Variants in OLFM1 observed in about 807,000 individuals in gnomAD.
OLFM1 encodes noelin.
A neutral mutation model predicts 49.7 loss-of-function variants in OLFM1; 9 were observed. The ratio of observed to expected loss-of-function variants is 0.18; its 90% CI spans 0.11 to 0.32. The LOEUF (loss-of-function observed/expected upper bound fraction) is 0.32, where lower values mean the gene tolerates loss of function less well. Ranked by LOEUF, OLFM1 falls within the 10% of genes least tolerant of loss-of-function variation. The pLI, the probability that OLFM1 is intolerant of heterozygous loss-of-function variation, is 1.00. For missense variants in OLFM1, 369 were observed against 661.8 expected (o/e 0.56, Z 4.85); for synonymous variants, 240 against 271.8 (o/e 0.88, Z 1.15).
chr9:135,112,334 C>T (rs943731), intron 5 of OLFM1, among the ~76,000 whole-genome samples: 32,268 of 152,214 alleles, frequency 0.21, 3,540 homozygotes, highest in Middle Eastern at 0.29. Context: ...TCCCTCCAGG[C>T]TGCACTGGCC....
At chr9:135,115,763 C>T (rs1831088363) in intron 5 of OLFM1, among the ~76,000 whole-genome samples, 1 of 152,244 alleles carries the variant, frequency 6.6e-6, no homozygotes, top group South Asian at 2.1e-4. Context: ...ACTCTGACCA[C>T]TGGAAAGTCA....
At chr9:135,111,835 G>A (rs572422115) in intron 5 of OLFM1, among the ~76,000 whole-genome samples, 36 of 152,268 alleles carry the variant, frequency 2.4e-4, no homozygotes, top group Admixed American at 1.9e-3. Context: ...TCAGCCTCCC[G>A]AGTAGCTGGG....
In OLFM1 at chr9:135,110,733, C is replaced by T. The variant is rs561458051; in HGVS notation, c.783+3878C>T. Among the ~76,000 whole-genome samples, 19 of 152,272 alleles carry T rather than the reference C, an allele frequency of 1.2e-4. No individual in the cohort carries two copies. The South Asian group carries it at 1.5e-3, about 12-fold the overall frequency. On this transcript the variant is annotated intron_variant, in intron 5 of 5. Transcript: ENST00000371793. Reference sequence around the variant, plus strand: ...GCCTTCACTCCCCAAGTGGAGCCTCCGGCAGAAACTGCCAGCATCCCCCCC... The same window carrying T: ...GCCTTCACTCCCCAAGTGGAGCCTCTGGCAGAAACTGCCAGCATCCCCCCC...
intron 4 of OLFM1, among the ~76,000 whole-genome samples, chr9:135,101,841 G>A (rs1446541267): frequency 4.6e-5 from 7 of 152,220 alleles, no homozygotes; most frequent in Admixed American, 1.3e-4. Flanking sequence ...TCAGCTTCAG[G>A]CCTCCGTGGT....
chr9:135,116,244 G>A (rs1056575599), intron 5 of OLFM1, among the ~76,000 whole-genome samples: 1 of 152,084 alleles, frequency 6.6e-6, no homozygotes, highest in Non-Finnish European at 1.5e-5. Flanking sequence ...CTTTGCATGG[G>A]TGCCTTCCCA....
Position 135,120,191 on chromosome 9 carries a change from G to A in OLFM1, c.*13G>A. On this transcript the variant is annotated 3_prime_UTR_variant, in exon 6 of 6. Transcript: ENST00000371793. ...CGACGAGTTGTAGCTCCCTCCTCCT[G>A]GAAGCCAAGGGCCCACGTCCTCACC... 1 of 1,594,800 alleles carries A rather than the reference G, an allele frequency of 6.3e-7. No individual in the cohort carries two copies. The highest frequency in any genetic ancestry group is 8.5e-7 in the Non-Finnish European group (1 of 1,170,252).
chr9:135,096,049 C>T (rs1564272975), intron 3 of OLFM1, 30 bp downstream of exon 3: 1 of 1,595,418 alleles, frequency 6.3e-7, no homozygotes, highest in Non-Finnish European at 8.5e-7. Flanking sequence ...TCTCCCTCCC[C>T]TTATCCTCCT....
intron 4 of OLFM1, among the ~76,000 whole-genome samples, chr9:135,105,432 C>T (rs1266561470): frequency 2.6e-5 from 4 of 152,214 alleles, no homozygotes; most frequent in East Asian, 1.9e-4. Flanking sequence ...GCCTCCATGC[C>T]GGCAGGGCCG....
intron 4 of OLFM1, 38 bp from the exon 5 acceptor site, chr9:135,106,711 C>A: frequency 6.3e-7 from 1 of 1,583,020 alleles, no homozygotes; most frequent in Non-Finnish European, 8.6e-7. Context: ...GGCCGGGGCC[C>A]CCGCCCTCCC....
chr9:135,092,901 T>TC (rs1412185087), intron 2 of OLFM1, among the ~76,000 whole-genome samples: 4 of 152,106 alleles, frequency 2.6e-5, no homozygotes, highest in African/African-American at 7.2e-5. Context: ...GTCCTCAGCT[T>TC]CCCCCGCACA....
Position 135,090,197 on chromosome 9 carries a change from G to A in OLFM1, c.153G>A (p.Val51=). Residue 51 remains valine (V), a splice_region_variant and synonymous_variant, in exon 2 of 6, where the codon GTG becomes GTA. Coordinates refer to ENST00000371793, the MANE Select transcript of OLFM1 (RefSeq NM_001282611.2). ...CTTCCCGCCCCGCCCCTCTCCAGGT[G>A]CTGCCCACCAACCCTGAGGAGAGCT... is the stretch of plus-strand genomic sequence containing the variant. The part of the protein sequence containing the change: ...GGGTLDRSTG[V]LPTNPEESWQ... 1 of 1,605,718 alleles carries A rather than the reference G, an allele frequency of 6.2e-7. No homozygotes were observed. The highest frequency in any genetic ancestry group is 8.5e-7 in the Non-Finnish European group (1 of 1,173,532).
At chr9:135,097,662 C>A in intron 3 of OLFM1, 2 of 839,484 alleles carry the variant, frequency 2.4e-6, no homozygotes, top group Non-Finnish European at 4.1e-6. Context: ...TTGACTAACT[C>A]GAGCATTACA....
chr9:135,088,220 G>A lies in OLFM1; in HGVS notation c.150+81G>A. 1 of 1,187,894 alleles carries A rather than the reference G, an allele frequency of 8.4e-7. No individual in the cohort carries two copies. Among genetic ancestry groups the A allele is most frequent in the Non-Finnish European group, 1.1e-6 (1 of 950,556 alleles). 73.6% of individuals were successfully genotyped at this position (1,187,894 alleles called of 1,614,324 possible). On this transcript the variant is annotated intron_variant, in intron 1 of 5. Transcript: ENST00000371793. The surrounding 1 kb of genome is among the most constrained non-coding windows in gnomAD (Gnocchi z 4.8). Reference sequence around the variant, plus strand: ...CTCCTCGGTCCGGAGCCCCGGGCTGGGCGGGCGCCGCGCGGGACCCGAGTC... The same window carrying A: ...CTCCTCGGTCCGGAGCCCCGGGCTGAGCGGGCGCCGCGCGGGACCCGAGTC...
intron 2 of OLFM1, among the ~76,000 whole-genome samples, chr9:135,091,779 A>G (rs1015209157): frequency 2.0e-4 from 30 of 148,840 alleles, no homozygotes; most frequent in Admixed American, 5.3e-4. Flanking sequence ...TCACACACAC[A>G]CTCACACATA....
At chr9:135,079,671 G>A (rs1159786818) in intron 1 of OLFM1, among the ~76,000 whole-genome samples, 2 of 152,170 alleles carry the variant, frequency 1.3e-5, no homozygotes, top group East Asian at 3.9e-4. Context: ...GAAGGGCCTG[G>A]AAACCCTGAC....
intron 2 of OLFM1, among the ~76,000 whole-genome samples, chr9:135,091,751 TCA>T (rs1320200516): frequency 8.4e-5 from 6 of 71,280 alleles, no homozygotes; most frequent in South Asian, 4.2e-4. Flanking sequence ...CCACACATAG[TCA>T]CACACACTCA....
At position 135,088,751 on chromosome 9, in the gene OLFM1, G is replaced by GCTCCT. The variant is rs1159550266; in HGVS notation, c.150+613_150+614insTCCTC. On this transcript the variant is annotated intron_variant, in intron 1 of 5. Transcript: ENST00000371793. This position sits in a 1 kb window ranked among gnomAD's most constrained non-coding sequence, Gnocchi z 4.8. The stretch of plus-strand genomic sequence containing the variant: ...TTGTTCCTTCTCCTCCGAGGACGGT[G>GCTCCT]CCGAGGGGCTTGGGTGGGGCCCCTG... Among the ~76,000 whole-genome samples, 1 of 152,212 alleles carries GCTCCT rather than the reference G, an allele frequency of 6.6e-6. No individual in the cohort carries two copies. The highest frequency in any genetic ancestry group is 1.5e-5 in the Non-Finnish European group (1 of 68,038).
At chr9:135,085,878 G>C (rs1830589784), upstream of OLFM1, among the ~76,000 whole-genome samples, 1 of 152,058 alleles carries the variant, frequency 6.6e-6, no homozygotes, top group East Asian at 1.9e-4. Context: ...TGGAGCAGGT[G>C]CAGGTTGGAG....
At chr9:135,076,591 A>C in intron 1 of OLFM1, 1 of 1,076,154 alleles carries the variant, frequency 9.3e-7, no homozygotes, top group Non-Finnish European at 1.3e-6. Flanking sequence ...TTGCTTTGGC[A>C]CTATGGTGCT....
Sources: gnomAD v4.1 joint callset for allele counts (sites outside exome capture counted in the v4.1 genomes callset) on GRCh38, gnomAD v4.1.1 for gene constraint, Gnocchi (gnomAD v3.1) non-coding constraint, MANE v1.5 for transcripts, NCBI Gene and HGNC (gene_info 2026-07-23, HGNC 2026-07-21) for gene names.